ADD2: variants seen among roughly 807,000 people sequenced by gnomAD.
ADD2 encodes the protein adducin 2, also known as beta-adducin.
Under a neutral mutation model 83.0 loss-of-function variants are expected in ADD2, and 23 were observed. That is an observed-to-expected ratio of 0.28 (90% CI 0.20 to 0.39). ADD2 has a LOEUF of 0.39. ADD2 is among the 10% of genes least tolerant of loss of function. The pLI, the probability that ADD2 is intolerant of heterozygous loss-of-function variation, is 1.00. For synonymous variants in ADD2, 375 were observed against 375.4 expected (o/e 1.00, Z 0.01); for missense variants, 758 against 944.9 (o/e 0.80, Z 2.59).
At chr2:70,749,622 G>A (rs1448409384) in intron 1 of ADD2, among the ~76,000 whole-genome samples, 1 of 152,094 alleles carries the variant, frequency 6.6e-6, no homozygotes, top group African/African-American at 2.4e-5. Flanking sequence ...TCAATAACGT[G>A]TTAGCACAAA....
In ADD2 at chr2:70,659,353, C is replaced by T. The variant is rs910295364; in HGVS notation, c.*4072G>A. 2 of 152,068 alleles carry T rather than the reference C, an allele frequency of 1.3e-5. No homozygotes were observed. Among genetic ancestry groups the T allele is most frequent in the African/African-American group, 4.8e-5 (2 of 41,400 alleles). The allele number at this position is 152,068 out of a possible 1,614,324, so 9.4% of individuals were successfully genotyped here. On this transcript the variant is annotated 3_prime_UTR_variant, in exon 16 of 16. Coordinates refer to ENST00000264436, the MANE Select transcript of ADD2 (RefSeq NM_001617.4). ...GAAGTGGATTTATAGCATTTTCCCCCACACTAGCAGTAGCCCTGCTACAAC... is the reference window on the plus strand; with the variant it reads ...GAAGTGGATTTATAGCATTTTCCCCTACACTAGCAGTAGCCCTGCTACAAC...
intron 15 of ADD2, among the ~76,000 whole-genome samples, chr2:70,669,269 G>C (rs1369874327): frequency 6.6e-6 from 1 of 150,724 alleles, no homozygotes; most frequent in Non-Finnish European, 1.5e-5. Context: ...GAATCACCCA[G>C]AGAGCTTGTG....
rs797030103 is a variant in ADD2 at position 70,657,275 on chromosome 2, GTGACGAT to G, written c.*6143_*6149del. The G allele has an allele frequency of 3.5e-4, 54 of 152,236 alleles. No homozygotes were observed. Among genetic ancestry groups the G allele is most frequent in the African/African-American group, 1.1e-3 (47 of 41,520 alleles). The allele number at this position is 152,236 out of a possible 1,614,324, so 9.4% of individuals were successfully genotyped here. A position where few individuals can be genotyped will look rare whatever the true frequency, so the allele number is the denominator to read the frequency against. On this transcript the variant is annotated 3_prime_UTR_variant, in exon 16 of 16. Transcript: ENST00000264436. The stretch of plus-strand genomic sequence containing the variant: ...AAGGGAAGACAGTAAGTACTCTTGC[GTGACGAT>G]TGTCAGACACAGACATTTCACTGAA...
At chr2:70,740,664 TTGTG>T (rs1237221074) in intron 1 of ADD2, among the ~76,000 whole-genome samples, 1 of 152,082 alleles carries the variant, frequency 6.6e-6, no homozygotes, top group African/African-American at 2.4e-5. Context: ...TTTGTTGTTT[TTGTG>T]TGTGTGTCTA....
chr2:70,673,078 T>C, intron 14 of ADD2, 72 bp from the exon 15 acceptor site: 15 of 1,566,332 alleles, frequency 9.6e-6, no homozygotes, highest in Middle Eastern at 1.7e-4. Flanking sequence ...TAAAGCCTTT[T>C]AAAAATTACT....
intron 1 of ADD2, among the ~76,000 whole-genome samples, chr2:70,752,450 T>C (rs1476288702): frequency 2.6e-5 from 4 of 152,176 alleles, no homozygotes; most frequent in African/African-American, 9.7e-5. Flanking sequence ...TATAAATATA[T>C]GTCATTAACA....
rs1353912318 is a variant in ADD2 at position 70,694,008 on chromosome 2, G to A, written c.556-1456C>T. ...CAGAAGCCCAATGCTAGGACACTTA[G>A]TGAGTGGAGCACAGGTTGGATTTCA... On this transcript the variant is annotated intron_variant, in intron 6 of 15. Coordinates refer to ENST00000264436, the MANE Select transcript of ADD2 (RefSeq NM_001617.4). Among the ~76,000 whole-genome samples, 3 of 152,114 alleles carry A rather than the reference G, an allele frequency of 2.0e-5. No individual in the cohort carries two copies. In the East Asian group the frequency reaches 5.8e-4, roughly 29 times the overall value.
intron 7 of ADD2, chr2:70,691,616 A>T (rs1671040658): frequency 6.6e-6 from 1 of 151,974 alleles, no homozygotes; most frequent in Non-Finnish European, 1.5e-5. Context: ...AGCAAGGAGC[A>T]TGGAGAGGTT....
intron 2 of ADD2, 54 bp downstream of exon 2, chr2:70,713,012 C>T: frequency 1.2e-6 from 1 of 835,396 alleles, no homozygotes; most frequent in Non-Finnish European, 1.4e-6. Flanking sequence ...GTGATGGGCC[C>T]AGCCAAAAAG....
intron 1 of ADD2, among the ~76,000 whole-genome samples, chr2:70,731,488 T>A (rs144824592): frequency 6.6e-6 from 1 of 152,232 alleles, no homozygotes; most frequent in Non-Finnish European, 1.5e-5. Context: ...TGCTTTCACC[T>A]GTCACTAGAC....
At chr2:70,708,506 G>A (rs1672018513) in intron 2 of ADD2, among the ~76,000 whole-genome samples, 2 of 152,184 alleles carry the variant, frequency 1.3e-5, no homozygotes, top group African/African-American at 2.4e-5. Flanking sequence ...GTTGCAACAT[G>A]TAATGGAAGG....
chr2:70,704,490 C>T (rs781929742), intron 3 of ADD2, 31 bp from the exon 4 acceptor site: 16 of 1,611,262 alleles, frequency 9.9e-6, no homozygotes, highest in Non-Finnish European at 1.3e-5. Flanking sequence ...CTTGTCCCCC[C>T]ACAGCCTCTC....
At chr2:70,675,839 A>G (rs1436661510) in intron 13 of ADD2, 29 of 985,256 alleles carry the variant, frequency 2.9e-5, no homozygotes, top group Non-Finnish European at 3.5e-5. Context: ...TATAAATGGC[A>G]GGGGAGATTT....
At position 70,756,512 on chromosome 2, in the gene ADD2, G is replaced by A. The variant is rs1204747369; in HGVS notation, c.-154+11374C>T. On this transcript the variant is annotated intron_variant, in intron 1 of 15. Coordinates refer to ENST00000264436, the MANE Select transcript of ADD2 (RefSeq NM_001617.4). Reference sequence around the variant, plus strand: ...AGCAATATCAACTCAGTCAGATACTGAACACTGTTAGGAGTTTTCATTTGT... The same window carrying A: ...AGCAATATCAACTCAGTCAGATACTAAACACTGTTAGGAGTTTTCATTTGT... Among the ~76,000 whole-genome samples the A allele has an allele frequency of 3.3e-5, 5 of 152,306 alleles. No homozygotes were observed. The East Asian group carries it at 9.6e-4, about 29-fold the overall frequency.
Position 70,688,007 on chromosome 2 carries a change from CAGG to C in ADD2, c.948+14_948+16del, listed in dbSNP as rs1553370826. ...AGAGCCCACTCCTGGGCCCACTTTCCAGGAGAATTTGCTCACCTGTATCTCACA... is the reference window on the plus strand; with the variant it reads ...AGAGCCCACTCCTGGGCCCACTTTCCAGAATTTGCTCACCTGTATCTCACA... On this transcript the variant is annotated intron_variant, in intron 9 of 15. Transcript: ENST00000264436. The C allele has an allele frequency of 6.2e-7, 1 of 1,610,648 alleles. No individual in the cohort carries two copies. Among genetic ancestry groups the C allele is most frequent in the Non-Finnish European group, 8.5e-7 (1 of 1,177,068 alleles).
chr2:70,704,703 T>A (rs1553374131), intron 3 of ADD2, among the ~76,000 whole-genome samples: 2 of 152,168 alleles, frequency 1.3e-5, no homozygotes, highest in Non-Finnish European at 2.9e-5. Context: ...TAATCCAGAT[T>A]CCAGGTCCTT....
intron 4 of ADD2, 54 bp from the exon 5 acceptor site, chr2:70,696,450 C>T (rs1553372753): frequency 1.2e-6 from 2 of 1,605,180 alleles, no homozygotes; most frequent in African/African-American, 1.3e-5. Flanking sequence ...CCTCCCCTTC[C>T]TTGCTCCAGT....
Position 70,692,603 on chromosome 2 carries a change from G to A in ADD2, c.556-51C>T, listed in dbSNP as rs367858434. The A allele has an allele frequency of 3.7e-4, 559 of 1,519,904 alleles. 3 individuals carry two copies. Among genetic ancestry groups the A allele is most frequent in the Middle Eastern group, 3.1e-3 (17 of 5,546 alleles). 94.2% of individuals were successfully genotyped at this position (1,519,904 alleles called of 1,614,324 possible). A position where few individuals can be genotyped will look rare whatever the true frequency, so the allele number is the denominator to read the frequency against. On this transcript the variant is annotated intron_variant, in intron 6 of 15. Coordinates refer to ENST00000264436, the MANE Select transcript of ADD2 (RefSeq NM_001617.4). Reference sequence around the variant, plus strand: ...ATGGCAACAGGGTGGCCGAGGCCCCGCACTCCTCTCCCAGCTGGTGGGCCC... The same window carrying A: ...ATGGCAACAGGGTGGCCGAGGCCCCACACTCCTCTCCCAGCTGGTGGGCCC...
intron 1 of ADD2, among the ~76,000 whole-genome samples, chr2:70,720,879 C>T (rs1404821953): frequency 6.6e-6 from 1 of 152,114 alleles, no homozygotes; most frequent in Non-Finnish European, 1.5e-5. Context: ...AGTGGAGGTG[C>T]CTTCTCCACT....
Sources: allele counts gnomAD v4.1 joint callset (sites outside exome capture counted in the v4.1 genomes callset), GRCh38; gene constraint gnomAD v4.1.1; transcripts MANE v1.5; gene names NCBI Gene and HGNC (gene_info 2026-07-23, HGNC 2026-07-21).